Variants in TRMT11 observed in about 807,000 individuals in gnomAD.
TRMT11 encodes the protein tRNA (guanine(10)-N(2))-methyltransferase TRMT11.
TRMT11 carries 53 observed loss-of-function variants against 62.8 expected under a neutral mutation model. The ratio of observed to expected loss-of-function variants is 0.84; its 90% CI spans 0.68 to 1.06. The LOEUF (loss-of-function observed/expected upper bound fraction) is 1.06. Ranked by LOEUF, TRMT11 falls within the 50% of genes least tolerant of loss-of-function variation. The pLI is 0.00. For missense variants in TRMT11, 556 were observed against 553.4 expected (o/e 1.00, Z -0.05); for synonymous variants, 188 against 190.3 (o/e 0.99, Z 0.10).
chr6:126,121,624 G>A (rs1392455691), intron 21 of TRMT11, among the ~76,000 whole-genome samples: 2 of 152,086 alleles, frequency 1.3e-5, no homozygotes, highest in African/African-American at 4.8e-5. Flanking sequence ...ATTAATGGCT[G>A]TCTCCTAGTG....
At chr6:126,243,106 C>T in the TRMT11 span, among the ~76,000 whole-genome samples, 7 of 152,126 alleles carry the variant, frequency 4.6e-5, no homozygotes. Context: ...CAAACGACCC[C>T]ATCAAAAACT....
chr6:126,065,749 A>G (rs1034941052), intron 17 of TRMT11, among the ~76,000 whole-genome samples: 22 of 152,236 alleles, frequency 1.4e-4, no homozygotes, highest in African/African-American at 5.1e-4. Context: ...TTATATTATT[A>G]CTATTCTTTA....
the TRMT11 span, among the ~76,000 whole-genome samples, chr6:126,267,642 A>T: frequency 2.0e-5 from 3 of 152,224 alleles, no homozygotes; most frequent in African/African-American, 7.2e-5. Flanking sequence ...CTCTCTAGTG[A>T]GGTTAGAAGA....
At chr6:126,158,882 A>C (rs991648497) in intron 21 of TRMT11, among the ~76,000 whole-genome samples, 1 of 152,116 alleles carries the variant, frequency 6.6e-6, no homozygotes, top group Non-Finnish European at 1.5e-5. Flanking sequence ...TGGTATTCTC[A>C]GCTACCACGT....
At chr6:126,015,400 G>T (rs952881005) in intron 11 of TRMT11, among the ~76,000 whole-genome samples, 1 of 151,756 alleles carries the variant, frequency 6.6e-6, no homozygotes, top group Non-Finnish European at 1.5e-5. Flanking sequence ...CTAATTTTTT[G>T]TATTTTTTTA....
Position 125,996,038 on chromosome 6 carries a change from CA to C in TRMT11, c.212del (p.Lys71SerfsTer40), listed in dbSNP as rs1236413221. 3.1e-6 allele frequency: 5 copies of C among 1,601,766 alleles called. No homozygotes were observed. The African/African-American group carries it at 6.7e-5, about 21-fold the overall frequency. On this transcript the variant is annotated frameshift_variant and splice_region_variant, in exon 3 of 13. Transcript: ENST00000334379. LOFTEE classifies it high-confidence loss of function. ...RNLMKRTVCAKSIFELWGHGQ... is the reference protein window; with the variant it reads ...RNLMKRTVCAXSIFELWGHGQ... Reference sequence around the variant, plus strand: ...ATTTGATGAAACGGACAGTGTGTGCCAAGTAAGAGAAACTTATGTTCTCCTG... The same window carrying C: ...ATTTGATGAAACGGACAGTGTGTGCCAGTAAGAGAAACTTATGTTCTCCTG...
At chr6:126,250,003 A>G in the TRMT11 span, among the ~76,000 whole-genome samples, 1 of 152,176 alleles carries the variant, frequency 6.6e-6, no homozygotes, top group Admixed American at 6.5e-5. Flanking sequence ...GGTTTCCCCT[A>G]CAAGTGGAAG....
intron 12 of TRMT11, among the ~76,000 whole-genome samples, chr6:126,032,369 G>A (rs1011257929): frequency 1.2e-4 from 19 of 152,130 alleles, no homozygotes; most frequent in Non-Finnish European, 7.4e-5. Context: ...CTTCTGGCCT[G>A]TCCAGTCTCA....
At chr6:126,081,792 G>A (rs568862758) in intron 17 of TRMT11, among the ~76,000 whole-genome samples, 2 of 152,238 alleles carry the variant, frequency 1.3e-5, no homozygotes, top group South Asian at 4.1e-4. Flanking sequence ...AGTGACTGCT[G>A]CCCTAACACC....
At chr6:126,195,099 G>A (rs1184305189) in intron 1 of TRMT11, among the ~76,000 whole-genome samples, 1 of 152,222 alleles carries the variant, frequency 6.6e-6, no homozygotes, top group Non-Finnish European at 1.5e-5. Flanking sequence ...CTGGGAGGCA[G>A]AGTGAGACCC....
chr6:126,075,235 A>G (rs952175476), intron 17 of TRMT11, among the ~76,000 whole-genome samples: 2 of 152,148 alleles, frequency 1.3e-5, no homozygotes, highest in African/African-American at 4.8e-5. Context: ...TTACATTGAA[A>G]TAACTATGTG....
chr6:126,203,141 C>T (rs939209714), downstream of TRMT11, among the ~76,000 whole-genome samples: 1 of 152,156 alleles, frequency 6.6e-6, no homozygotes, highest in African/African-American at 2.4e-5. Context: ...TACCTGGGAG[C>T]TGTGTGGTCG....
intron 17 of TRMT11, among the ~76,000 whole-genome samples, chr6:126,090,935 G>A (rs1418487208): frequency 1.3e-5 from 2 of 152,190 alleles, no homozygotes; most frequent in African/African-American, 4.8e-5. Flanking sequence ...CCTAGGCCGG[G>A]TGCGATAGCT....
At chr6:126,235,742 C>T in the TRMT11 span, among the ~76,000 whole-genome samples, 1 of 152,076 alleles carries the variant, frequency 6.6e-6, no homozygotes, top group Admixed American at 6.6e-5. Context: ...TGAAGAATAG[C>T]TAATGGATGC....
chr6:126,230,714 A>G, the TRMT11 span, among the ~76,000 whole-genome samples: 2 of 152,156 alleles, frequency 1.3e-5, no homozygotes, highest in African/African-American at 4.8e-5. Context: ...TGCGACTTTC[A>G]CCATTAACTA....
At chr6:126,153,298 A>C (rs1449236651) in intron 21 of TRMT11, among the ~76,000 whole-genome samples, 1 of 152,228 alleles carries the variant, frequency 6.6e-6, no homozygotes, top group Admixed American at 6.5e-5. Context: ...AATAAAATGA[A>C]TTTACATACA....
intron 16 of TRMT11, among the ~76,000 whole-genome samples, chr6:126,051,799 C>T (rs1776225945): frequency 6.6e-6 from 1 of 151,990 alleles, no homozygotes; most frequent in Non-Finnish European, 1.5e-5. Flanking sequence ...ACAAGAGGAG[C>T]CTATGGTACA....
chr6:126,146,785 T>C (rs1777980386), intron 21 of TRMT11, among the ~76,000 whole-genome samples: 2 of 152,188 alleles, frequency 1.3e-5, no homozygotes, highest in African/African-American at 4.8e-5. Context: ...CCCAAAGTGT[T>C]GGGATTACAG....
intron 21 of TRMT11, among the ~76,000 whole-genome samples, chr6:126,161,858 A>G (rs1329811995): frequency 2.0e-5 from 3 of 151,690 alleles, no homozygotes; most frequent in Non-Finnish European, 4.4e-5. Context: ...TTTTTTTCAT[A>G]TGTTTGTTGG....
Sources: gnomAD v4.1 joint callset for allele counts (sites outside exome capture counted in the v4.1 genomes callset) on GRCh38, gnomAD v4.1.1 for gene constraint, MANE v1.5 for transcripts, NCBI Gene and HGNC (gene_info 2026-07-23, HGNC 2026-07-21) for gene names.